The following PCSK5 variants were observed in gnomAD, a reference collection of about 807,000 sequenced individuals.
PCSK5 encodes the protein proprotein convertase subtilisin/kexin type 5.
PCSK5 carries 129 observed loss-of-function variants against 233.2 expected under a neutral mutation model. The ratio of observed to expected loss-of-function variants is 0.55; its 90% confidence interval spans 0.48 to 0.64. PCSK5 has a LOEUF of 0.64. Ranked by LOEUF, PCSK5 falls within the 30% of genes least tolerant of loss-of-function variation. The pLI is 0.00. For synonymous variants in PCSK5, 825 were observed against 879.2 expected (o/e 0.94, Z 1.09); for missense variants, 2,076 against 2,430.1 (o/e 0.85, Z 3.06).
intron 24 of PCSK5, among the ~76,000 whole-genome samples, chr9:76,251,065 C>G (rs558644140): frequency 1.3e-5 from 2 of 151,796 alleles, no homozygotes; most frequent in Admixed American, 6.6e-5. Context: ...GCCAGGAGTT[C>G]GAGACCAGCC....
chr9:75,989,325 T>C (rs1826663248), intron 3 of PCSK5, among the ~76,000 whole-genome samples: 1 of 152,156 alleles, frequency 6.6e-6, no homozygotes, highest in Non-Finnish European at 1.5e-5. Context: ...AAGCCCCATC[T>C]GTACCAAAAA....
intron 1 of PCSK5, among the ~76,000 whole-genome samples, chr9:75,921,305 G>C (rs1182763240): frequency 1.3e-5 from 2 of 152,060 alleles, no homozygotes; most frequent in African/African-American, 4.8e-5. Flanking sequence ...TTGGTCCTTC[G>C]GCATTAGTAC....
intron 2 of PCSK5, among the ~76,000 whole-genome samples, chr9:75,965,747 C>CT (rs1469644796): frequency 1.3e-5 from 2 of 152,086 alleles, no homozygotes; most frequent in Non-Finnish European, 2.9e-5. Flanking sequence ...CTATTGGTGA[C>CT]TTTTTTGGTA....
chr9:76,019,120 G>A (rs1828075037), intron 3 of PCSK5, among the ~76,000 whole-genome samples: 1 of 152,150 alleles, frequency 6.6e-6, no homozygotes, highest in Non-Finnish European at 1.5e-5. Context: ...TCTGTTAAAA[G>A]CAAATGACCA....
At chr9:75,903,153 C>A (rs1826114281) in intron 1 of PCSK5, among the ~76,000 whole-genome samples, 1 of 152,116 alleles carries the variant, frequency 6.6e-6, no homozygotes, top group Non-Finnish European at 1.5e-5. Flanking sequence ...AAGCTGTGTT[C>A]TGAACATGCC....
intron 5 of PCSK5, among the ~76,000 whole-genome samples, chr9:76,055,513 A>G (rs1041475190): frequency 4.6e-5 from 7 of 152,256 alleles, no homozygotes; most frequent in African/African-American, 1.7e-4. Context: ...TTTTAAGATT[A>G]TTATTATTTC....
At chr9:76,216,188 A>G (rs1361682912) in intron 20 of PCSK5, among the ~76,000 whole-genome samples, 4 of 152,084 alleles carry the variant, frequency 2.6e-5, no homozygotes, top group Admixed American at 2.0e-4. Context: ...TCAGGTCCAT[A>G]TGGTGGAGGG....
Position 76,009,604 on chromosome 9 carries a change from C to T in PCSK5, c.412-14134C>T, listed in dbSNP as rs181513953. ...ATCACACCACTGCACTCCAGCCTGG[C>T]GACAGAGCGAGACTCCGTCTCAAGG... On this transcript the variant is annotated intron_variant, in intron 3 of 37. Transcript: ENST00000674117. Among the ~76,000 whole-genome samples the T allele has an allele frequency of 8.1e-5, 12 of 147,418 alleles. No individual in the cohort carries two copies. In the South Asian group the frequency reaches 1.5e-3, roughly 18 times the overall value.
At chr9:76,184,374 C>T (rs1331722751) in intron 16 of PCSK5, among the ~76,000 whole-genome samples, 1 of 96,240 alleles carries the variant, frequency 1.0e-5, no homozygotes, top group African/African-American at 4.3e-5. Context: ...GGGAGAGAGA[C>T]TAGGAAGAAG....
intron 24 of PCSK5, among the ~76,000 whole-genome samples, chr9:76,272,862 T>A (rs1290608726): frequency 6.7e-6 from 1 of 149,938 alleles, no homozygotes; most frequent in Non-Finnish European, 1.5e-5. Flanking sequence ...CAGCCACTGA[T>A]CTGTCCAGCC....
intron 21 of PCSK5, among the ~76,000 whole-genome samples, chr9:76,231,138 T>G (rs1367002586): frequency 6.6e-6 from 1 of 152,164 alleles, no homozygotes; most frequent in Non-Finnish European, 1.5e-5. Flanking sequence ...TCAGGAATCT[T>G]ACAATCATGG....
chr9:75,901,186 G>C (rs1826016067), intron 1 of PCSK5, among the ~76,000 whole-genome samples: 1 of 152,144 alleles, frequency 6.6e-6, no homozygotes, highest in Admixed American at 6.5e-5. Context: ...GTTTATTGCA[G>C]CACTATTTAC....
intron 10 of PCSK5, among the ~76,000 whole-genome samples, chr9:76,144,888 G>A (rs916526984): frequency 6.6e-6 from 1 of 152,182 alleles, no homozygotes; most frequent in Admixed American, 6.5e-5. Flanking sequence ...AGCACTTTGG[G>A]AGGCCGAAGT....
intron 2 of PCSK5, among the ~76,000 whole-genome samples, chr9:75,959,645 G>A (rs1202812214): frequency 6.6e-6 from 1 of 152,206 alleles, no homozygotes; most frequent in Non-Finnish European, 1.5e-5. Context: ...ACATACTCCA[G>A]TGTGGCTGGG....
rs369757775 is a variant in PCSK5, at chr9:76,323,182, C to T, written c.4233C>T (p.Asp1411=). ...TGGAGTGCAGTGGCCCCAAAGCCGACGACTGCGAGCTCTGTCTTGAGAGTT... is the reference window on the plus strand; with the variant it reads ...TGGAGTGCAGTGGCCCCAAAGCCGATGACTGCGAGCTCTGTCTTGAGAGTT... The part of the protein sequence containing the change: ...DCLECSGPKA[D]DCELCLESSW... The change falls in exon 32 of 38, where the codon GAC becomes GAT. Residue 1411 remains aspartate, a synonymous_variant. Transcript: ENST00000674117. 3.3e-5 allele frequency: 54 copies of T among 1,612,520 alleles called. No individual in the cohort carries two copies. Among genetic ancestry groups the T allele is most frequent in the East Asian group, 2.7e-4 (12 of 44,884 alleles).
chr9:76,351,367 A>G (rs1830116886), intron 36 of PCSK5, among the ~76,000 whole-genome samples: 1 of 151,552 alleles, frequency 6.6e-6, no homozygotes, highest in Non-Finnish European at 1.5e-5. Flanking sequence ...TGTATTAAGA[A>G]GAATTCATTT....
chr9:76,076,656 A>C (rs73454536), intron 7 of PCSK5, among the ~76,000 whole-genome samples: 2,635 of 152,342 alleles, frequency 0.017, 78 homozygotes, highest in African/African-American at 0.059. Context: ...TTGAATTTCA[A>C]AATGCTCCCT....
chr9:76,260,862 A>G (rs1034644584), intron 24 of PCSK5, among the ~76,000 whole-genome samples: 4 of 152,238 alleles, frequency 2.6e-5, no homozygotes, highest in African/African-American at 9.6e-5. Flanking sequence ...TATGTAATAA[A>G]GTACTTGGCA....
At chr9:76,235,459 T>C (rs1009490066) in intron 22 of PCSK5, among the ~76,000 whole-genome samples, 2 of 152,118 alleles carry the variant, frequency 1.3e-5, no homozygotes, top group African/African-American at 2.4e-5. Flanking sequence ...AATCTACCTA[T>C]AAATGCACTG....
Sources: allele counts gnomAD v4.1 joint callset (sites outside exome capture counted in the v4.1 genomes callset), GRCh38; gene constraint gnomAD v4.1.1; transcripts MANE v1.5; gene names NCBI Gene and HGNC (gene_info 2026-07-23, HGNC 2026-07-21).